The following ASTN2 variants were observed in gnomAD, a reference collection of about 807,000 sequenced individuals.
The protein encoded by ASTN2 is astrotactin-2.
ASTN2 carries 54 observed loss-of-function variants against 139.8 expected under a neutral mutation model. That is an observed-to-expected ratio of 0.39 (90% CI 0.31 to 0.48). The LOEUF (loss-of-function observed/expected upper bound fraction) is 0.48, where lower values mean the gene tolerates loss of function less well. Among genes scored for constraint, ASTN2 ranks in the 20% least tolerant of loss-of-function variants. The pLI is 0.95. For missense variants in ASTN2, 1,565 were observed against 1,725.1 expected (o/e 0.91, Z 1.64); for synonymous variants, 756 against 719.5 (o/e 1.05, Z -0.81).
At chr9:116,808,523 TG>T (rs1476902959) in intron 12 of ASTN2, among the ~76,000 whole-genome samples, 1 of 152,210 alleles carries the variant, frequency 6.6e-6, no homozygotes, top group Non-Finnish European at 1.5e-5. Context: ...AATGGTTATT[TG>T]GCATTGCACA....
chr9:116,553,308 T>G (rs1050044164), intron 19 of ASTN2, among the ~76,000 whole-genome samples: 8 of 152,140 alleles, frequency 5.3e-5, no homozygotes, highest in Non-Finnish European at 7.3e-5. Flanking sequence ...AGGTGCAACT[T>G]TAGATGTTTA....
At chr9:116,963,521 T>C (rs560435365) in intron 10 of ASTN2, among the ~76,000 whole-genome samples, 12 of 152,278 alleles carry the variant, frequency 7.9e-5, no homozygotes, top group African/African-American at 2.6e-4. Flanking sequence ...ATGGCCCAAT[T>C]GGTACAGCGG....
chr9:117,078,736 T>C (rs555569061), intron 5 of ASTN2, among the ~76,000 whole-genome samples: 72 of 152,214 alleles, frequency 4.7e-4, no homozygotes, highest in African/African-American at 1.7e-3. Context: ...TTTTATTTTA[T>C]TTTTATTTTT....
At chr9:116,685,463 A>G (rs963310361) in intron 16 of ASTN2, among the ~76,000 whole-genome samples, 2 of 152,210 alleles carry the variant, frequency 1.3e-5, no homozygotes, top group African/African-American at 4.8e-5. Flanking sequence ...AGCTCTGTCT[A>G]GGCAGTGGGC....
chr9:116,908,381 A>G (rs1260161710), intron 10 of ASTN2, among the ~76,000 whole-genome samples: 1 of 146,902 alleles, frequency 6.8e-6, no homozygotes, highest in Non-Finnish European at 1.5e-5. Context: ...CAGAGTTACT[A>G]TGAGTATTAA....
intron 4 of ASTN2, among the ~76,000 whole-genome samples, chr9:117,106,215 A>G (rs1017517877): frequency 2.8e-4 from 43 of 151,718 alleles, no homozygotes; most frequent in Non-Finnish European, 1.3e-4. Flanking sequence ...TCCAAGCTAC[A>G]TATTTCTTTT....
intron 11 of ASTN2, among the ~76,000 whole-genome samples, chr9:116,856,556 C>T (rs758062422): frequency 3.0e-4 from 45 of 152,188 alleles, no homozygotes; most frequent in Non-Finnish European, 5.4e-4. Flanking sequence ...AAGCCGGTCT[C>T]TCTCCCCTAC....
intron 10 of ASTN2, among the ~76,000 whole-genome samples, chr9:116,891,158 T>A (rs1465357521): frequency 6.6e-6 from 1 of 152,224 alleles, no homozygotes; most frequent in Non-Finnish European, 1.5e-5. Context: ...GTATACAATT[T>A]CTCTTAAAGA....
At chr9:117,062,122 C>T (rs1041049368) in intron 5 of ASTN2, among the ~76,000 whole-genome samples, 2 of 152,150 alleles carry the variant, frequency 1.3e-5, no homozygotes, top group Non-Finnish European at 2.9e-5. Context: ...CAACGAGGGG[C>T]ATGACTTTAT....
intron 16 of ASTN2, among the ~76,000 whole-genome samples, chr9:116,658,465 CAG>C (rs1858359532): frequency 6.6e-6 from 1 of 152,140 alleles, no homozygotes; most frequent in South Asian, 2.1e-4. Context: ...AGGAATCTAA[CAG>C]AGTGATGGGT....
At chr9:117,006,139 TAAAC>T (rs1837347736) in intron 7 of ASTN2, among the ~76,000 whole-genome samples, 1 of 152,134 alleles carries the variant, frequency 6.6e-6, no homozygotes, top group Non-Finnish European at 1.5e-5. Flanking sequence ...GGGCACACTG[TAAAC>T]ACCCACACCC....
intron 6 of ASTN2, among the ~76,000 whole-genome samples, chr9:117,016,113 T>C (rs1837664495): frequency 6.6e-6 from 1 of 152,150 alleles, no homozygotes; most frequent in Admixed American, 6.5e-5. Context: ...TTTTACTTCT[T>C]TGGGGATGTT....
chr9:116,510,626 A>G (rs1470577153), intron 19 of ASTN2, among the ~76,000 whole-genome samples: 1 of 152,122 alleles, frequency 6.6e-6, no homozygotes, highest in Non-Finnish European at 1.5e-5. Context: ...GATTCTTCCT[A>G]TCCATGAGCA....
At chr9:116,524,847 T>C (rs1400205313) in intron 19 of ASTN2, among the ~76,000 whole-genome samples, 3 of 152,128 alleles carry the variant, frequency 2.0e-5, no homozygotes, top group Non-Finnish European at 4.4e-5. Context: ...AGCCTAGGCA[T>C]CTCTGATCCA....
intron 2 of ASTN2, among the ~76,000 whole-genome samples, chr9:117,262,367 C>T (rs188294687): frequency 1.3e-5 from 2 of 151,924 alleles, no homozygotes; most frequent in African/African-American, 4.8e-5. Context: ...ATATTCCCAC[C>T]CAACACTGTG....
intron 1 of ASTN2, among the ~76,000 whole-genome samples, chr9:117,403,739 G>T (rs1231574091): frequency 2.0e-5 from 3 of 152,142 alleles, no homozygotes; most frequent in Non-Finnish European, 2.9e-5. Flanking sequence ...CCAGAAGGGA[G>T]AGGATTCTGC....
At chr9:117,091,809 G>A (rs772452584) in intron 5 of ASTN2, among the ~76,000 whole-genome samples, 10 of 152,102 alleles carry the variant, frequency 6.6e-5, no homozygotes, top group Non-Finnish European at 1.5e-4. Flanking sequence ...AGCATTGAAA[G>A]CTTCTAAGAG....
In ASTN2 at chr9:116,620,360, G is replaced by A. The variant is rs143407265; in HGVS notation, c.3156C>T (p.Ser1052=). ...VIDDWCRCDL[S]AFDANGLPNC... ...TGGGGAGCCCATTGGCATCAAAGGCGCTGAGGTCACACCTGCACCAGTCAT... is the reference window on the plus strand; with the variant it reads ...TGGGGAGCCCATTGGCATCAAAGGCACTGAGGTCACACCTGCACCAGTCAT... Residue 1052 remains serine (S), a synonymous_variant, in exon 18 of 23, where the codon AGC becomes AGT. Coordinates refer to ENST00000313400, the MANE Select transcript of ASTN2 (RefSeq NM_001365068.1). The A allele has an allele frequency of 4.3e-3, 6,998 of 1,614,126 alleles. 46 individuals are homozygous for A. The highest frequency in any genetic ancestry group is 0.016 in the South Asian group (1,446 of 91,082).
At chr9:116,758,801 T>C (rs185284744) in intron 13 of ASTN2, among the ~76,000 whole-genome samples, 6 of 152,300 alleles carry the variant, frequency 3.9e-5, no homozygotes, top group East Asian at 1.9e-4. Context: ...TTGTCTCTCA[T>C]ACTCATCTCT....
Sources: allele counts gnomAD v4.1 joint callset (sites outside exome capture counted in the v4.1 genomes callset), GRCh38; gene constraint gnomAD v4.1.1; transcripts MANE v1.5; gene names NCBI Gene and HGNC (gene_info 2026-07-23, HGNC 2026-07-21).